The following COA1 variants were observed in gnomAD, a reference collection of about 807,000 sequenced individuals.
COA1 encodes cytochrome c oxidase assembly factor 1.
A neutral mutation model predicts 16.0 loss-of-function variants in COA1; 13 were observed. The observed-to-expected ratio is 0.81, with a 90% confidence interval of 0.53 to 1.29. The LOEUF is 1.29. Among genes scored for constraint, COA1 ranks in the 50% most tolerant of loss-of-function variants. The pLI is 0.00. For synonymous variants in COA1, 65 were observed against 65.7 expected (o/e 0.99, Z 0.05); for missense variants, 179 against 177.0 (o/e 1.01, Z -0.06).
chr7:43,681,035 C>A (rs1476242957), intron 1 of COA1, among the ~76,000 whole-genome samples: 1 of 152,116 alleles, frequency 6.6e-6, no homozygotes, highest in African/African-American at 2.4e-5. Context: ...GCTTCTGTTC[C>A]ATTTATTCTG....
At chr7:43,647,901 C>T (rs1036470441) in intron 2 of COA1, 3 of 430,718 alleles carry the variant, frequency 7.0e-6, no homozygotes, top group Non-Finnish European at 4.2e-6. Context: ...CAGCACAGAG[C>T]GAGCATTCAG....
chr7:43,717,038 C>A (rs984391888), intron 1 of COA1, among the ~76,000 whole-genome samples: 3 of 152,192 alleles, frequency 2.0e-5, no homozygotes, highest in African/African-American at 4.8e-5. Context: ...TGTATGGAAG[C>A]CCAGGCAAAA....
chr7:43,664,515 C>T (rs1400078988), intron 1 of COA1, among the ~76,000 whole-genome samples: 1 of 152,088 alleles, frequency 6.6e-6, no homozygotes, highest in Non-Finnish European at 1.5e-5. Context: ...ACCTGTGTGG[C>T]GATTACAGAA....
chr7:43,725,422 AACAC>A (rs2095596013), intron 1 of COA1, among the ~76,000 whole-genome samples: 1 of 152,218 alleles, frequency 6.6e-6, no homozygotes, highest in South Asian at 2.1e-4. Flanking sequence ...TGAAACAAGA[AACAC>A]ACAGTTCTAA....
intron 6 of COA1, chr7:43,631,694 C>T (rs1037073267): frequency 3.3e-5 from 5 of 152,182 alleles, no homozygotes; most frequent in Admixed American, 1.3e-4. Flanking sequence ...TTTCAGAAGT[C>T]TGTCCTATCA....
intron 1 of COA1, among the ~76,000 whole-genome samples, chr7:43,710,371 AAAAAATAT>A (rs2095186928): frequency 1.2e-5 from 1 of 82,680 alleles, no homozygotes; most frequent in South Asian, 3.7e-4. Context: ...AAAAAAAAAA[AAAAAATAT>A]ATATATATAT....
At chr7:43,721,685 G>A (rs1348106258) in intron 1 of COA1, among the ~76,000 whole-genome samples, 1 of 152,012 alleles carries the variant, frequency 6.6e-6, no homozygotes, top group African/African-American at 2.4e-5. Context: ...TTTGAGGTGA[G>A]GCAACTATTC....
chr7:43,727,028 T>C (rs1013914855), intron 1 of COA1, among the ~76,000 whole-genome samples: 1 of 152,202 alleles, frequency 6.6e-6, no homozygotes, highest in Non-Finnish European at 1.5e-5. Context: ...AAAGAAAAGA[T>C]GAACGTTTCA....
At chr7:43,625,277 AT>A (rs1342298839) in intron 6 of COA1, 1 of 152,986 alleles carries the variant, frequency 6.5e-6, no homozygotes, top group Non-Finnish European at 1.5e-5. Context: ...TTCACTTTGG[AT>A]TTGTTTTTGG....
rs2082997651 is a variant in COA1 at position 43,612,820 on chromosome 7, G to A, written c.*134-3325C>T. On this transcript the variant is annotated intron_variant and NMD_transcript_variant, in intron 6 of 6. Coordinates refer to the COA1 transcript ENST00000415076. ...CTGGGAAAGTTCTTGGGGTGGGGGA[G>A]GGAGTAGCAGATGCAGATTTAGGAG... Among the ~76,000 whole-genome samples, 2 of 152,122 alleles carry A rather than the reference G, an allele frequency of 1.3e-5. 1 individual carries two copies. The highest frequency in any genetic ancestry group is 4.1e-4 in the South Asian group (2 of 4,824).
At chr7:43,656,902 A>T (rs2091799831) in intron 1 of COA1, among the ~76,000 whole-genome samples, 1 of 151,914 alleles carries the variant, frequency 6.6e-6, no homozygotes, top group African/African-American at 2.4e-5. Context: ...AGCTAACAAA[A>T]GAGCAGTCAA....
chr7:43,673,155 TGAC>T (rs2093353461), intron 1 of COA1, among the ~76,000 whole-genome samples: 1 of 152,176 alleles, frequency 6.6e-6, no homozygotes, highest in Non-Finnish European at 1.5e-5. Flanking sequence ...AAGCAAAAAT[TGAC>T]AAGTGAGATC....
intron 1 of COA1, among the ~76,000 whole-genome samples, chr7:43,688,019 T>C (rs2094118832): frequency 6.6e-6 from 1 of 152,140 alleles, no homozygotes; most frequent in Non-Finnish European, 1.5e-5. Flanking sequence ...TTATCAGGGG[T>C]TTCCGCTTTT....
chr7:43,629,548 G>C (rs1176381594), intron 6 of COA1, among the ~76,000 whole-genome samples: 1 of 152,026 alleles, frequency 6.6e-6, no homozygotes, highest in Non-Finnish European at 1.5e-5. Context: ...TCATATTTCA[G>C]CTTTTTTTGT....
At chr7:43,712,179 CT>C (rs1563456335) in intron 1 of COA1, among the ~76,000 whole-genome samples, 1 of 152,060 alleles carries the variant, frequency 6.6e-6, no homozygotes, top group African/African-American at 2.4e-5. Flanking sequence ...ATGGCACAAT[CT>C]CGGCTCACTG....
At chr7:43,670,215 G>A (rs1033709376) in intron 1 of COA1, among the ~76,000 whole-genome samples, 2 of 152,130 alleles carry the variant, frequency 1.3e-5, no homozygotes, top group Non-Finnish European at 2.9e-5. Flanking sequence ...TTGGGAGGCC[G>A]AGGCAGAAGG....
At chr7:43,669,058 A>G (rs2190584) in intron 1 of COA1, among the ~76,000 whole-genome samples, 107,039 of 151,396 alleles carry the variant, frequency 0.71, 38,315 homozygotes, top group African/African-American at 0.84. Context: ...ACCACACAGG[A>G]ACACACCTTT....
At chr7:43,706,004 T>C (rs891624579) in intron 1 of COA1, among the ~76,000 whole-genome samples, 3 of 152,128 alleles carry the variant, frequency 2.0e-5, no homozygotes, top group Admixed American at 1.3e-4. Flanking sequence ...CAAAGATCTG[T>C]TCAGAGTGTG....
intron 1 of COA1, among the ~76,000 whole-genome samples, chr7:43,720,021 G>A (rs1408900851): frequency 2.6e-5 from 4 of 152,206 alleles, no homozygotes; most frequent in Admixed American, 2.6e-4. Context: ...GCTCACACCT[G>A]TAATCCCAGC....
Sources: gnomAD v4.1 joint callset for allele counts (sites outside exome capture counted in the v4.1 genomes callset) on GRCh38, gnomAD v4.1.1 for gene constraint, MANE v1.5 for transcripts, NCBI Gene and HGNC (gene_info 2026-07-23, HGNC 2026-07-21) for gene names.